Variants in SDK2 observed in about 807,000 individuals in gnomAD.
SDK2 encodes protein sidekick-2.
In SDK2, 105 loss-of-function variants were observed where a neutral mutation model predicts 253.9. The ratio of observed to expected loss-of-function variants is 0.41; its 90% confidence interval spans 0.35 to 0.49. SDK2 has a LOEUF of 0.49. SDK2 is among the 20% of genes least tolerant of loss of function. The probability of loss-of-function intolerance (pLI) is 0.06; values close to 1 mark genes in which losing one functional copy is unlikely to be tolerated. For synonymous variants in SDK2, 1,249 were observed against 1,234.9 expected, an observed-to-expected ratio of 1.01 and a Z score of -0.24; for missense variants, 2,608 against 3,003.0, an observed-to-expected ratio of 0.87 and a Z score of 3.07.
At chr17:73,399,666 C>T (rs1288804053) in intron 21 of SDK2, among the ~76,000 whole-genome samples, 5 of 152,296 alleles carry the variant, frequency 3.3e-5, no homozygotes, top group African/African-American at 9.6e-5. Flanking sequence ...CAAACGGGAC[C>T]GATCCTCCCT....
intron 1 of SDK2, among the ~76,000 whole-genome samples, chr17:73,638,806 C>CTTTTTTTTTT (rs1223522657): frequency 1.4e-5 from 2 of 138,992 alleles, no homozygotes; most frequent in Non-Finnish European, 1.6e-5. Context: ...AGATAACAGT[C>CTTTTTTTTTT]TTTTTTTTTT....
chr17:73,402,888 C>T (rs1460827230), intron 18 of SDK2, among the ~76,000 whole-genome samples: 1 of 152,118 alleles, frequency 6.6e-6, no homozygotes, highest in Non-Finnish European at 1.5e-5. Flanking sequence ...ACCTCTGCCT[C>T]CCGGGTTCAA....
chr17:73,503,397 G>C (rs143281460), intron 2 of SDK2, among the ~76,000 whole-genome samples: 1 of 152,304 alleles, frequency 6.6e-6, no homozygotes, highest in East Asian at 1.9e-4. Flanking sequence ...TATTATTTAT[G>C]AATGAAGTGA....
chr17:73,529,273 A>G (rs2064150738), intron 1 of SDK2, among the ~76,000 whole-genome samples: 1 of 152,152 alleles, frequency 6.6e-6, no homozygotes, highest in Non-Finnish European at 1.5e-5. Flanking sequence ...GCTGGAAAAC[A>G]GAGATTTCAC....
rs79858718 is a variant in SDK2, at chr17:73,457,787, G to A, written c.332-1734C>T. Reference sequence around the variant, plus strand: ...AGATCCCTCCCTAACCAAGGGGGCCGCATCCTAAGCTACCGGGTCCCCTCC... The same window carrying A: ...AGATCCCTCCCTAACCAAGGGGGCCACATCCTAAGCTACCGGGTCCCCTCC... On this transcript the variant is annotated intron_variant, in intron 3 of 44. Transcript: ENST00000392650. 5.1e-4 allele frequency among the ~76,000 whole-genome samples: 78 copies of A among 152,180 alleles called. No individual in the cohort carries two copies. In the East Asian group the frequency reaches 0.014, roughly 28 times the overall value.
At chr17:73,391,764 G>C (rs972098843) in intron 27 of SDK2, among the ~76,000 whole-genome samples, 8 of 152,356 alleles carry the variant, frequency 5.3e-5, no homozygotes, top group African/African-American at 1.7e-4. Flanking sequence ...ATTTGGCAGC[G>C]ACCTGAGGCT....
intron 8 of SDK2, 116 bp downstream of exon 8, chr17:73,437,619 ACTCT>A (rs1477322344): frequency 1.1e-6 from 1 of 873,826 alleles, no homozygotes. Flanking sequence ...AGCCAGACAG[ACTCT>A]CTGCCTAGTG....
chr17:73,475,984 C>T (rs544109097), intron 2 of SDK2, among the ~76,000 whole-genome samples: 31 of 152,150 alleles, frequency 2.0e-4, no homozygotes, highest in Non-Finnish European at 3.2e-4. Flanking sequence ...TGGTGGCACA[C>T]GCCTGTAGTC....
chr17:73,453,308 ATCACCAGCCTGCAGAC>A (rs1241858758), intron 4 of SDK2, among the ~76,000 whole-genome samples: 1 of 151,982 alleles, frequency 6.6e-6, no homozygotes, highest in Admixed American at 6.6e-5. Flanking sequence ...CCCAGCCTAA[ATCACCAGCCTGCAGAC>A]TCACAAGAAA....
In SDK2 at chr17:73,435,332, G is replaced by A. The variant is rs2063358362; in HGVS notation, c.1195+118C>T. On this transcript the variant is annotated intron_variant, in intron 9 of 44. Coordinates refer to ENST00000392650, the MANE Select transcript of SDK2 (RefSeq NM_001144952.2). This position sits in a 1 kb window ranked among gnomAD's most constrained non-coding sequence, Gnocchi z 5.7. ...CTGCTGGGCAGCAGGCGGCCTTTGG[G>A]GATCCTATCTGCTTAATGGAACGTG... is the stretch of plus-strand genomic sequence containing the variant. 4.8e-6 allele frequency: 5 copies of A among 1,045,886 alleles called. No homozygotes were observed. In the South Asian group the frequency reaches 7.0e-5, roughly 15 times the overall value. The allele number at this position is 1,045,886 out of a possible 1,614,324, so 64.8% of individuals were successfully genotyped here.
intron 1 of SDK2, among the ~76,000 whole-genome samples, chr17:73,508,955 C>A (rs947801706): frequency 4.6e-5 from 7 of 152,362 alleles, no homozygotes; most frequent in Middle Eastern, 3.4e-3. Context: ...CTATGTGCCA[C>A]GGGCTTGAGG....
chr17:73,358,288 T>C, intron 39 of SDK2, 84 bp from the exon 40 acceptor site: 1 of 1,517,806 alleles, frequency 6.6e-7, no homozygotes, highest in Non-Finnish European at 8.8e-7. Flanking sequence ...GGAGGAACAC[T>C]GGGTGACAAA....
chr17:73,395,204 G>A lies in SDK2; in HGVS notation c.3543C>T (p.Ile1181=), dbSNP rs1287936221. ...YRVQVQAFNA[I]GSGPWSQTVV... is the part of the protein sequence containing the mutation. ...CCGTCTGGCTCCAGGGCCCGCTCCC[G>A]ATGGCGTTGAAGGCCTGGACCTGGA... Residue 1181 remains isoleucine, a synonymous_variant, in exon 25 of 45, where the codon ATC becomes ATT. Transcript: ENST00000392650. The surrounding 1 kb of genome is among the most constrained non-coding windows in gnomAD (Gnocchi z 4.3). 4 of 1,611,012 alleles carry A rather than the reference G, an allele frequency of 2.5e-6. No individual in the cohort carries two copies. The highest frequency in any genetic ancestry group is 2.2e-5 in the South Asian group (2 of 90,530).
chr17:73,549,553 TG>T (rs900862267), intron 1 of SDK2, among the ~76,000 whole-genome samples: 10 of 151,954 alleles, frequency 6.6e-5, no homozygotes, highest in African/African-American at 2.4e-4. Flanking sequence ...TGTCATGCTA[TG>T]GGGGAAGTAG....
chr17:73,442,319 T>C (rs2063422260), intron 5 of SDK2, among the ~76,000 whole-genome samples: 1 of 150,970 alleles, frequency 6.6e-6, no homozygotes, highest in South Asian at 2.1e-4. Flanking sequence ...TGGTGCTTTG[T>C]TATGGCACCA....
chr17:73,434,064 C>T (rs1049494341), intron 9 of SDK2, among the ~76,000 whole-genome samples: 2 of 152,198 alleles, frequency 1.3e-5, no homozygotes, highest in Non-Finnish European at 2.9e-5. Flanking sequence ...TGCCACCTGC[C>T]CTGTGGAAGG....
chr17:73,590,462 C>T (rs534901980), intron 1 of SDK2, among the ~76,000 whole-genome samples: 1 of 152,362 alleles, frequency 6.6e-6, no homozygotes, highest in Admixed American at 6.5e-5. Flanking sequence ...TGTGCAACAC[C>T]ATTGCTCTGC....
At chr17:73,622,652 G>C (rs1397435062) in intron 1 of SDK2, among the ~76,000 whole-genome samples, 1 of 152,208 alleles carries the variant, frequency 6.6e-6, no homozygotes, top group Admixed American at 6.5e-5. Context: ...AGTAAGGAGA[G>C]GTGCGTCTTT....
At chr17:73,439,565 T>G (rs1366332343) in intron 6 of SDK2, among the ~76,000 whole-genome samples, 1 of 151,366 alleles carries the variant, frequency 6.6e-6, no homozygotes, top group Non-Finnish European at 1.5e-5. Context: ...AAAAAAAAAA[T>G]GCTGCTACAG....
Sources: allele counts gnomAD v4.1 joint callset (sites outside exome capture counted in the v4.1 genomes callset), GRCh38; gene constraint gnomAD v4.1.1; non-coding constraint Gnocchi (gnomAD v3.1); transcripts MANE v1.5; gene names NCBI Gene and HGNC (gene_info 2026-07-23, HGNC 2026-07-21).